The following DTNA variants were observed in gnomAD, a reference collection of about 807,000 sequenced individuals.
DTNA encodes the protein dystrophin-related protein 3.
DTNA carries 43 observed loss-of-function variants against 100.7 expected under a neutral mutation model. The observed-to-expected ratio is 0.43, with a 90% confidence interval of 0.33 to 0.55. The LOEUF is 0.55. DTNA is among the 20% of genes least tolerant of loss of function. DTNA has a pLI of 0.04. For synonymous variants in DTNA, 349 were observed against 347.9 expected, an observed-to-expected ratio of 1.00 and a Z score of -0.04; for missense variants, 798 against 953.9, an observed-to-expected ratio of 0.84 and a Z score of 2.15.
At chr18:34,817,577 G>T (rs1405804268) in intron 7 of DTNA, among the ~76,000 whole-genome samples, 1 of 148,104 alleles carries the variant, frequency 6.8e-6, no homozygotes, top group Non-Finnish European at 1.5e-5. Flanking sequence ...CCTGCCTCAG[G>T]AAAGAAAAAA....
chr18:34,805,914 G>A (rs937002708), intron 4 of DTNA, among the ~76,000 whole-genome samples: 2 of 152,162 alleles, frequency 1.3e-5, no homozygotes, highest in African/African-American at 4.8e-5. Context: ...TAAATCCATA[G>A]TTAGCTAGTA....
intron 1 of DTNA, among the ~76,000 whole-genome samples, chr18:34,605,991 T>TA (rs1042605230): frequency 3.9e-5 from 6 of 152,248 alleles, no homozygotes; most frequent in Non-Finnish European, 8.8e-5. Flanking sequence ...CCTATAGTGT[T>TA]AAAAAACAAT....
intron 3 of DTNA, among the ~76,000 whole-genome samples, 153 bp from the exon 4 acceptor site, chr18:34,793,884 T>C (rs1457093807): frequency 2.0e-5 from 3 of 152,218 alleles, no homozygotes; most frequent in Non-Finnish European, 2.9e-5. Flanking sequence ...TTAGAGATAA[T>C]GCACAGCCTA....
At position 34,537,480 on chromosome 18, in the gene DTNA, C is replaced by T. The variant is rs192925984; in HGVS notation, c.-2+43966C>T. On this transcript the variant is annotated intron_variant, in intron 1 of 19. Coordinates refer to the DTNA transcript ENST00000283365. ...AAGGAAATTGTAGTGCATTAAAATA[C>T]AATGCTGATTAAAAATATAAATAAC... 4.0e-5 allele frequency among the ~76,000 whole-genome samples: 6 copies of T among 151,070 alleles called. No individual in the cohort carries two copies. The East Asian group carries it at 1.2e-3, about 29-fold the overall frequency.
chr18:34,545,216 G>A (rs1019601782), intron 1 of DTNA, among the ~76,000 whole-genome samples: 1 of 152,032 alleles, frequency 6.6e-6, no homozygotes, highest in African/African-American at 2.4e-5. Flanking sequence ...AGAGGTGATG[G>A]TAGTGACGTG....
chr18:34,857,184 CA>C (rs1046712919), intron 15 of DTNA, among the ~76,000 whole-genome samples: 2 of 151,760 alleles, frequency 1.3e-5, no homozygotes, highest in African/African-American at 4.8e-5. Context: ...GAGGAGAAAA[CA>C]AAAAAAAGAC....
chr18:34,528,469 C>T (rs778515446), intron 1 of DTNA, among the ~76,000 whole-genome samples: 1 of 152,134 alleles, frequency 6.6e-6, no homozygotes, highest in Non-Finnish European at 1.5e-5. Context: ...TTTTCACCTT[C>T]AGCAATGCAT....
At chr18:34,626,387 A>C (rs1363883760) in intron 1 of DTNA, among the ~76,000 whole-genome samples, 1 of 152,104 alleles carries the variant, frequency 6.6e-6, no homozygotes, top group East Asian at 1.9e-4. Context: ...GAAAAGAAAG[A>C]TTTATGTCCA....
chr18:34,889,858 G>A lies in DTNA; in HGVS notation c.*2124G>A, dbSNP rs989399278. 6.1e-5 allele frequency: 61 copies of A among 994,300 alleles called. No homozygotes were observed. Among genetic ancestry groups the A allele is most frequent in the Middle Eastern group, 5.1e-4 (1 of 1,950 alleles). 61.6% of individuals were successfully genotyped at this position (994,300 alleles called of 1,614,324 possible). On this transcript the variant is annotated 3_prime_UTR_variant, in exon 23 of 23. Coordinates refer to ENST00000444659, the MANE Select transcript of DTNA (RefSeq NM_001386795.1). ...CTTTGCACAGATTGATTTTTATTGC[G>A]GGTTTTGTTGGGGTGTCTTAATGTT...
intron 1 of DTNA, among the ~76,000 whole-genome samples, chr18:34,691,929 A>G (rs2079831945): frequency 6.6e-6 from 1 of 152,242 alleles, no homozygotes; most frequent in African/African-American, 2.4e-5. Flanking sequence ...TATGTGTCCT[A>G]TCTTTGAATG....
intron 1 of DTNA, among the ~76,000 whole-genome samples, chr18:34,699,309 C>A (rs905302670): frequency 1.3e-5 from 2 of 152,062 alleles, no homozygotes; most frequent in Non-Finnish European, 2.9e-5. Flanking sequence ...AATCCAAAAG[C>A]AAGAGAAGAC....
intron 1 of DTNA, chr18:34,493,637 C>T (rs1026721889): frequency 6.6e-6 from 1 of 150,602 alleles, no homozygotes; most frequent in Non-Finnish European, 1.5e-5. Flanking sequence ...CCCCCGGCCG[C>T]CCGGTGCAGA....
At chr18:34,860,232 T>TG (rs1376725610) in intron 16 of DTNA, among the ~76,000 whole-genome samples, 60 of 136,500 alleles carry the variant, frequency 4.4e-4, no homozygotes, top group Middle Eastern at 3.6e-3. Context: ...TTTTTTTTTT[T>TG]TTTTTTTTTT....
chr18:34,713,683 G>A (rs2083353343), intron 1 of DTNA, among the ~76,000 whole-genome samples: 2 of 151,908 alleles, frequency 1.3e-5, no homozygotes, highest in Non-Finnish European at 2.9e-5. Flanking sequence ...GGCATTGGTA[G>A]CTTGATGGGG....
intron 3 of DTNA, among the ~76,000 whole-genome samples, chr18:34,787,561 T>A (rs891152299): frequency 2.6e-5 from 4 of 152,214 alleles, no homozygotes; most frequent in African/African-American, 9.6e-5. Flanking sequence ...GTTTATGACA[T>A]CAGCCATCTC....
intron 1 of DTNA, among the ~76,000 whole-genome samples, chr18:34,538,880 A>C (rs2043977133): frequency 6.6e-6 from 1 of 152,024 alleles, no homozygotes; most frequent in South Asian, 2.1e-4. Flanking sequence ...AGCAGAATCC[A>C]CACAGGAAAA....
intron 1 of DTNA, among the ~76,000 whole-genome samples, chr18:34,616,886 A>G (rs1448815964): frequency 1.3e-5 from 2 of 152,050 alleles, no homozygotes; most frequent in Non-Finnish European, 2.9e-5. Flanking sequence ...TTTGGGGGCT[A>G]TTGTGAATGG....
chr18:34,610,164 G>T (rs967010631), intron 1 of DTNA, among the ~76,000 whole-genome samples: 1 of 152,160 alleles, frequency 6.6e-6, no homozygotes, highest in Non-Finnish European at 1.5e-5. Flanking sequence ...ATTACAATGT[G>T]TTTATGTCAT....
At chr18:34,740,051 T>C (rs57815412) in intron 1 of DTNA, among the ~76,000 whole-genome samples, 1,755 of 152,300 alleles carry the variant, frequency 0.012, 39 homozygotes, top group African/African-American at 0.04. Flanking sequence ...CTGAGATTGA[T>C]TCCTACACTG....
Sources: gnomAD v4.1 joint callset for allele counts (sites outside exome capture counted in the v4.1 genomes callset) on GRCh38, gnomAD v4.1.1 for gene constraint, MANE v1.5 for transcripts, NCBI Gene and HGNC (gene_info 2026-07-23, HGNC 2026-07-21) for gene names.